The following CARD10 variants were observed in gnomAD, a reference collection of about 807,000 sequenced individuals.
The protein encoded by CARD10 is caspase recruitment domain family member 10, also known as caspase recruitment domain-containing protein 10.
In CARD10, 49 loss-of-function variants were observed where a neutral mutation model predicts 114.6. The observed-to-expected ratio is 0.43, with a 90% CI of 0.34 to 0.54. CARD10 has a LOEUF of 0.54. CARD10 is among the 20% of genes least tolerant of loss of function. The probability of loss-of-function intolerance (pLI) is 0.03; values close to 1 mark genes in which losing one functional copy is unlikely to be tolerated. For synonymous variants in CARD10, 602 were observed against 593.2 expected (o/e 1.01, Z -0.21); for missense variants, 1,206 against 1,397.2 (o/e 0.86, Z 2.18).
chr22:37,511,704 C>T (rs1923658550), intron 3 of CARD10, among the ~76,000 whole-genome samples: 1 of 151,886 alleles, frequency 6.6e-6, no homozygotes, highest in Non-Finnish European at 1.5e-5. Flanking sequence ...CTCATCCAGT[C>T]CGGGAACCAG....
intron 10 of CARD10, among the ~76,000 whole-genome samples, chr22:37,502,960 C>T (rs985208490): frequency 2.0e-5 from 3 of 152,354 alleles, no homozygotes; most frequent in Non-Finnish European, 4.4e-5. Context: ...ACATCACAGC[C>T]GGGAACAGGA....
intron 11 of CARD10, among the ~76,000 whole-genome samples, chr22:37,499,510 A>T (rs1345398776): frequency 9.8e-6 from 1 of 101,938 alleles, no homozygotes. Flanking sequence ...TACCCACCCC[A>T]CCCACCTCTA....
In CARD10 at chr22:37,502,686, G is replaced by A. The variant is rs765335110; in HGVS notation, c.1703C>T (p.Ser568Leu). Residue 568 changes from serine (S) to leucine (L), a missense_variant, in exon 11 of 20, where the codon TCG becomes TTG. This residue lies in a region of CARD10 where 1,068 missense variants were observed against 1,179.1 expected (regional missense o/e 0.91). Coordinates refer to ENST00000251973, the MANE Select transcript of CARD10 (RefSeq NM_014550.4). ...TLKPWSPGLS[S>L]SSSSDSVWPL... ...CCACACGCTGTCAGAGGATGAGGACGAAGAGAGGCCAGGGGACCAGGGCTT... is the reference window on the plus strand; with the variant it reads ...CCACACGCTGTCAGAGGATGAGGACAAAGAGAGGCCAGGGGACCAGGGCTT... The A allele has an allele frequency of 2.4e-5, 39 of 1,613,768 alleles. No homozygotes were observed. The highest frequency in any genetic ancestry group is 6.7e-5 in the African/African-American group (5 of 74,922).
intron 9 of CARD10, among the ~76,000 whole-genome samples, chr22:37,503,517 C>T (rs1250563882): frequency 6.6e-6 from 1 of 152,122 alleles, no homozygotes; most frequent in East Asian, 1.9e-4. Context: ...GATCTCTCAC[C>T]CCTCACCTCA....
chr22:37,510,438 G>A lies in CARD10; in HGVS notation c.700-17C>T. On this transcript the variant is annotated splice_polypyrimidine_tract_variant and intron_variant, in intron 3 of 19. Coordinates refer to ENST00000251973, the MANE Select transcript of CARD10 (RefSeq NM_014550.4). Reference sequence around the variant, plus strand: ...CTGATCCACCTGGAGCCCAAGACATGGGTCAGCCCAGAGGGAGACACACTG... The same window carrying A: ...CTGATCCACCTGGAGCCCAAGACATAGGTCAGCCCAGAGGGAGACACACTG... 1 of 1,612,034 alleles carries A rather than the reference G, an allele frequency of 6.2e-7. No homozygotes were observed. The highest frequency in any genetic ancestry group is 8.5e-7 in the Non-Finnish European group (1 of 1,179,042).
chr22:37,500,501 A>G (rs1923174907), intron 11 of CARD10, among the ~76,000 whole-genome samples: 1 of 147,546 alleles, frequency 6.8e-6, no homozygotes, highest in Admixed American at 6.7e-5. Context: ...CCCACTATCC[A>G]CCATCCCCTC....
chr22:37,494,134 C>T lies in CARD10; in HGVS notation c.2428G>A (p.Ala810Thr), dbSNP rs1922906360. 3 of 1,560,156 alleles carry T rather than the reference C, an allele frequency of 1.9e-6. No homozygotes were observed. Among genetic ancestry groups the T allele is most frequent in the East Asian group, 2.4e-5 (1 of 41,674 alleles). Residue 810 changes from alanine (A) to threonine (T), a missense_variant, in exon 16 of 20, where the codon GCG becomes ACG. Ala to Thr is a moderately conservative substitution (Grantham distance 58). Coordinates refer to ENST00000251973, the MANE Select transcript of CARD10 (RefSeq NM_014550.4). ...LRLVRPKPVG[A>T]PAGDSPDQLL... ...TGATCCGGGGAGTCCCCTGCAGGCGCCCCCACGGGCTTGGGCCTCACCAGC... is the reference window on the plus strand; with the variant it reads ...TGATCCGGGGAGTCCCCTGCAGGCGTCCCCACGGGCTTGGGCCTCACCAGC...
At chr22:37,498,553 G>A (rs1439552966) in intron 11 of CARD10, among the ~76,000 whole-genome samples, 1 of 152,204 alleles carries the variant, frequency 6.6e-6, no homozygotes, top group Non-Finnish European at 1.5e-5. Context: ...CCAGCCTGGG[G>A]AGGGCGCGGC....
intron 3 of CARD10, chr22:37,511,924 C>T (rs1379326908): frequency 1.3e-5 from 2 of 152,284 alleles, no homozygotes; most frequent in Non-Finnish European, 2.9e-5. Context: ...CACTTACCTC[C>T]TCTGGGCCTC....
At chr22:37,506,107 G>A (rs1012705229) in intron 7 of CARD10, 85 bp downstream of exon 7, 12 of 1,114,700 alleles carry the variant, frequency 1.1e-5, no homozygotes, top group Admixed American at 3.0e-5. Context: ...TCCCACCAGG[G>A]CCGGCACGTT....
Position 37,506,179 on chromosome 22 carries a change from T to C in CARD10, c.1383+13A>G. ...CCTTCCTGCCAGGACCTCCACAATC[T>C]TGACCCGCTCACCTTGAGGCAGGTG... On this transcript the variant is annotated intron_variant, in intron 7 of 19. Transcript: ENST00000251973. 1.3e-6 allele frequency: 2 copies of C among 1,519,268 alleles called. No individual in the cohort carries two copies. Among genetic ancestry groups the C allele is most frequent in the Non-Finnish European group, 1.8e-6 (2 of 1,127,454 alleles). The allele number at this position is 1,519,268 out of a possible 1,614,324, so 94.1% of individuals were successfully genotyped here.
At chr22:37,511,920 C>T (rs1435361626) in intron 3 of CARD10, 3 of 152,284 alleles carry the variant, frequency 2.0e-5, no homozygotes, top group African/African-American at 7.2e-5. Context: ...AAGTCACTTA[C>T]CTCCTCTGGG....
Position 37,506,394 on chromosome 22 carries a change from G to A in CARD10, c.1192-11C>T. 1 of 1,535,150 alleles carries A rather than the reference G, an allele frequency of 6.5e-7. No individual in the cohort carries two copies. Among genetic ancestry groups the A allele is most frequent in the Non-Finnish European group, 8.8e-7 (1 of 1,133,086 alleles). On this transcript the variant is annotated splice_polypyrimidine_tract_variant and intron_variant, in intron 6 of 19. Coordinates refer to ENST00000251973, the MANE Select transcript of CARD10 (RefSeq NM_014550.4). ...ACGGCTCTGGATGGCCTAGGGTTGG[G>A]GGAGGGGAGGCAGCAGCTGAAGGAG...
chr22:37,492,347 C>A lies in CARD10; in HGVS notation c.2751+88G>T, dbSNP rs973968119. ...CCAGTGAGCAGCAGAGCATGGCCCG[C>A]GCTCAGACGCTGGCGCTCAAGCCCA... is the stretch of plus-strand genomic sequence containing the variant. On this transcript the variant is annotated intron_variant, in intron 18 of 19. Transcript: ENST00000251973. The surrounding 1 kb of genome is among the most constrained non-coding windows in gnomAD (Gnocchi z 5.7). 2 of 990,516 alleles carry A rather than the reference C, an allele frequency of 2.0e-6. No homozygotes were observed. The highest frequency in any genetic ancestry group is 2.5e-5 in the East Asian group (1 of 40,024). 61.4% of individuals were successfully genotyped at this position (990,516 alleles called of 1,614,324 possible). A position where few individuals can be genotyped will look rare whatever the true frequency, so the allele number is the denominator to read the frequency against.
At chr22:37,511,071 G>C (rs571879363) in intron 3 of CARD10, among the ~76,000 whole-genome samples, 21 of 125,784 alleles carry the variant, frequency 1.7e-4, no homozygotes, top group African/African-American at 6.3e-4. Context: ...AGCAGAGCAA[G>C]ACTCTGTCTC....
Position 37,519,190 on chromosome 22 carries a change from C to T in CARD10, c.11G>A (p.Arg4Gln). Residue 4 changes from arginine to glutamine, a missense_variant, in exon 1 of 20, where the codon CGG becomes CAG. By Grantham distance (43) the Arg-to-Gln change is conservative. This residue lies in a region of CARD10 where 138 missense variants were observed against 218.0 expected (regional missense o/e 0.63). Transcript: ENST00000251973. The surrounding 1 kb of genome is among the most constrained non-coding windows in gnomAD (Gnocchi z 4.1). MPG[R>Q]AEAGEAEEEA... Reference sequence around the variant, plus strand: ...CTCCTCGGCCTCCCCCGCCTCCGCCCGGCCCGGCATGGCCGTGTCCTCAGG... The same window carrying T: ...CTCCTCGGCCTCCCCCGCCTCCGCCTGGCCCGGCATGGCCGTGTCCTCAGG... The T allele has an allele frequency of 2.0e-6, 3 of 1,530,476 alleles. No individual in the cohort carries two copies. The highest frequency in any genetic ancestry group is 1.7e-6 in the Non-Finnish European group (2 of 1,144,092). 94.8% of individuals were successfully genotyped at this position (1,530,476 alleles called of 1,614,324 possible).
chr22:37,513,070 TTAAGGTAAATTTATAG>T (rs1340230728), intron 3 of CARD10, among the ~76,000 whole-genome samples: 1 of 152,158 alleles, frequency 6.6e-6, no homozygotes, highest in African/African-American at 2.4e-5. Flanking sequence ...AAATTATAAA[TTAAGGTAAATTTATAG>T]TAGCTAAGTT....
In CARD10 at chr22:37,496,031, A is replaced by G; in HGVS notation, c.2060-28T>C. On this transcript the variant is annotated intron_variant, in intron 13 of 19. Transcript: ENST00000251973. The surrounding 1 kb of genome is among the most constrained non-coding windows in gnomAD (Gnocchi z 4.1). The stretch of plus-strand genomic sequence containing the variant: ...GGGCATGGATGGGGCAGGGGGCAGC[A>G]AGGAGGACAAGAGGAGGATGGTGAG... 6.2e-7 allele frequency: 1 copy of G among 1,609,878 alleles called. No individual in the cohort carries two copies.
intron 3 of CARD10, among the ~76,000 whole-genome samples, chr22:37,512,494 C>T (rs1007379427): frequency 1.2e-4 from 18 of 150,486 alleles, no homozygotes; most frequent in African/African-American, 4.9e-5. Flanking sequence ...CACACACACA[C>T]ACACACACAC....
Sources: gnomAD v4.1 joint callset for allele counts (sites outside exome capture counted in the v4.1 genomes callset) on GRCh38, gnomAD v4.1.1 for gene constraint, gnomAD v4.1.1 regional missense constraint, Gnocchi (gnomAD v3.1) non-coding constraint, MANE v1.5 for transcripts, NCBI Gene and HGNC (gene_info 2026-07-23, HGNC 2026-07-21) for gene names.